Variants in LRRC37A2 observed in about 807,000 individuals in gnomAD.
LRRC37A2 encodes leucine-rich repeat-containing protein 37A2.
A neutral mutation model predicts 68.8 loss-of-function variants in LRRC37A2; 9 were observed. The ratio of observed to expected loss-of-function variants is 0.13; its 90% CI spans 0.08 to 0.23. The LOEUF (loss-of-function observed/expected upper bound fraction) is 0.23, where lower values mean the gene tolerates loss of function less well. LRRC37A2 is among the 10% of genes least tolerant of loss of function. LRRC37A2 has a pLI of 1.00. For missense variants in LRRC37A2, 168 were observed against 950.4 expected (o/e 0.18, Z 10.82); for synonymous variants, 63 against 367.6 (o/e 0.17, Z 9.48).
the LRRC37A2 span, among the ~76,000 whole-genome samples, chr17:46,985,845 G>A: frequency 2.0e-5 from 3 of 152,342 alleles, no homozygotes; most frequent in East Asian, 1.9e-4. Context: ...TGGGCCAGAT[G>A]GGCCCTCCTC....
At chr17:46,725,409 G>A in the LRRC37A2 span, among the ~76,000 whole-genome samples, 2,774 of 152,174 alleles carry the variant, frequency 0.018, 33 homozygotes, top group Non-Finnish European at 0.032. Context: ...ATAGGAAAAC[G>A]TTTTCACCAG....
the LRRC37A2 span, among the ~76,000 whole-genome samples, chr17:46,609,872 C>A: frequency 7.3e-6 from 1 of 137,072 alleles, no homozygotes; most frequent in Non-Finnish European, 1.6e-5. Context: ...GTCACCCAGT[C>A]TGGAATGCAG....
the LRRC37A2 span, among the ~76,000 whole-genome samples, chr17:47,000,086 T>TA: frequency 0.012 from 135 of 11,526 alleles, 12 homozygotes; most frequent in African/African-American, 0.023. Flanking sequence ...AAAAATAAAA[T>TA]AAAATAAAAT....
At chr17:46,711,452 C>A in the LRRC37A2 span, among the ~76,000 whole-genome samples, 1 of 152,054 alleles carries the variant, frequency 6.6e-6, no homozygotes, top group Non-Finnish European at 1.5e-5. Flanking sequence ...GAACTAGTTG[C>A]TGGGGATACA....
At chr17:47,018,618 C>T in the LRRC37A2 span, 2 of 1,520,536 alleles carry the variant, frequency 1.3e-6, no homozygotes, top group Non-Finnish European at 1.8e-6. Context: ...AGCAGTTCAA[C>T]AGGAGACTTC....
At chr17:46,932,494 G>C in the LRRC37A2 span, 1 of 593,048 alleles carries the variant, frequency 1.7e-6, no homozygotes, top group Admixed American at 3.0e-5. Flanking sequence ...TCACATGGTG[G>C]AAACGTTTTT....
At chr17:46,769,068 G>T in the LRRC37A2 span, among the ~76,000 whole-genome samples, 7 of 152,204 alleles carry the variant, frequency 4.6e-5, no homozygotes, top group Non-Finnish European at 1.0e-4. Flanking sequence ...GGTAATCCCA[G>T]CACCTTGGGA....
chr17:46,719,377 T>G, the LRRC37A2 span, among the ~76,000 whole-genome samples: 1 of 152,190 alleles, frequency 6.6e-6, no homozygotes, highest in Non-Finnish European at 1.5e-5. This position sits in a 1 kb window ranked among gnomAD's most constrained non-coding sequence, Gnocchi z 4.3. Flanking sequence ...TACATGAGAT[T>G]TTATTATAAT....
the LRRC37A2 span, among the ~76,000 whole-genome samples, chr17:46,835,798 C>T: frequency 6.6e-6 from 1 of 152,246 alleles, no homozygotes; most frequent in Non-Finnish European, 1.5e-5. Context: ...GGGAGGAGGG[C>T]CTGCGCCCCC....
At chr17:46,874,850 T>G in the LRRC37A2 span, 2 of 619,210 alleles carry the variant, frequency 3.2e-6, no homozygotes, top group Non-Finnish European at 2.9e-6. Flanking sequence ...AGTGCTGGGA[T>G]TAGGGGCACG....
chr17:46,807,934 G>C, the LRRC37A2 span, among the ~76,000 whole-genome samples: 1 of 152,148 alleles, frequency 6.6e-6, no homozygotes, highest in East Asian at 1.9e-4. Context: ...GCTGAAGGTC[G>C]AATTGTAAAA....
the LRRC37A2 span, among the ~76,000 whole-genome samples, chr17:46,806,524 C>T: frequency 6.6e-6 from 1 of 152,072 alleles, no homozygotes; most frequent in South Asian, 2.1e-4. Flanking sequence ...TCAGTTTTCT[C>T]ACAGGTAACA....
At chr17:46,747,356 C>G in the LRRC37A2 span, among the ~76,000 whole-genome samples, 1 of 152,188 alleles carries the variant, frequency 6.6e-6, no homozygotes, top group African/African-American at 2.4e-5. Context: ...TCTCGGCTCA[C>G]TCCAGCCTCA....
chr17:46,967,524 GAGA>G, the LRRC37A2 span, among the ~76,000 whole-genome samples: 6 of 152,342 alleles, frequency 3.9e-5, no homozygotes, highest in South Asian at 1.2e-3. Flanking sequence ...AAAGGGCGAA[GAGA>G]AGGAGAGAGG....
the LRRC37A2 span, among the ~76,000 whole-genome samples, chr17:46,853,900 G>T: frequency 6.6e-6 from 1 of 152,186 alleles, no homozygotes; most frequent in African/African-American, 2.4e-5. Context: ...GTATTGGAAG[G>T]GAAAGGTGTT....
At chr17:46,845,388 T>A in the LRRC37A2 span, among the ~76,000 whole-genome samples, 1 of 152,046 alleles carries the variant, frequency 6.6e-6, no homozygotes. Context: ...GTGGGGGTTA[T>A]ATTCACGGTG....
chr17:46,988,121 G>A, the LRRC37A2 span, among the ~76,000 whole-genome samples: 14 of 152,188 alleles, frequency 9.2e-5, no homozygotes, highest in Middle Eastern at 3.2e-3. Context: ...GCAGTGAGCC[G>A]AGATTGCATC....
chr17:46,838,830 T>C, the LRRC37A2 span, among the ~76,000 whole-genome samples: 4 of 152,106 alleles, frequency 2.6e-5, no homozygotes, highest in African/African-American at 9.7e-5. Flanking sequence ...GAGAGGGGAT[T>C]ACTCACCATA....
the LRRC37A2 span, among the ~76,000 whole-genome samples, chr17:46,723,461 C>T: frequency 2.0e-5 from 3 of 152,168 alleles, no homozygotes; most frequent in East Asian, 1.9e-4. Flanking sequence ...TCAGTTGTCT[C>T]GAATGTACCA....
Sources: gnomAD v4.1 joint callset for allele counts (sites outside exome capture counted in the v4.1 genomes callset) on GRCh38, gnomAD v4.1.1 for gene constraint, Gnocchi (gnomAD v3.1) non-coding constraint, MANE v1.5 for transcripts, NCBI Gene and HGNC (gene_info 2026-07-23, HGNC 2026-07-21) for gene names.